The following ADAMTSL3 variants were observed in gnomAD, a reference collection of about 807,000 sequenced individuals.
The protein encoded by ADAMTSL3 is ADAMTS like 3, also known as ADAMTS-like protein 3.
ADAMTSL3 carries 128 observed loss-of-function variants against 201.7 expected under a neutral mutation model. That is an observed-to-expected ratio of 0.63 (90% CI 0.55 to 0.73). The LOEUF (loss-of-function observed/expected upper bound fraction) is 0.73, where lower values mean the gene tolerates loss of function less well. Ranked by LOEUF, ADAMTSL3 falls within the 30% of genes least tolerant of loss-of-function variation. The pLI is 0.00. For synonymous variants in ADAMTSL3, 738 were observed against 748.4 expected, an observed-to-expected ratio of 0.99 and a Z score of 0.23; for missense variants, 1,990 against 2,119.6, an observed-to-expected ratio of 0.94 and a Z score of 1.20.
chr15:83,994,986 G>A (rs1401810246), intron 23 of ADAMTSL3, among the ~76,000 whole-genome samples: 1 of 152,030 alleles, frequency 6.6e-6, no homozygotes, highest in East Asian at 1.9e-4. Context: ...TAGACAGAGG[G>A]CAAAGGAGAA....
intron 3 of ADAMTSL3, among the ~76,000 whole-genome samples, chr15:83,748,294 T>C (rs2062580861): frequency 6.6e-6 from 1 of 152,172 alleles, no homozygotes. Context: ...ATTATCAAGA[T>C]TGTCATCCTT....
intron 17 of ADAMTSL3, among the ~76,000 whole-genome samples, chr15:83,940,888 T>A (rs2066546339): frequency 6.6e-6 from 1 of 152,114 alleles, no homozygotes; most frequent in Non-Finnish European, 1.5e-5. Context: ...CTTGAAAATT[T>A]GTAGGACTTG....
intron 3 of ADAMTSL3, among the ~76,000 whole-genome samples, chr15:83,713,957 G>T (rs1211994298): frequency 2.0e-5 from 3 of 152,086 alleles, no homozygotes; most frequent in African/African-American, 4.8e-5. Context: ...TGTATTTCTT[G>T]GTTCTGGACT....
At chr15:83,801,090 G>A (rs1030828595) in intron 4 of ADAMTSL3, among the ~76,000 whole-genome samples, 1 of 151,808 alleles carries the variant, frequency 6.6e-6, no homozygotes, top group African/African-American at 2.4e-5. Context: ...AAAATTTGAC[G>A]TACTCTTAGC....
chr15:83,822,194 C>T (rs1198134868), intron 6 of ADAMTSL3, among the ~76,000 whole-genome samples: 19 of 149,168 alleles, frequency 1.3e-4, no homozygotes, highest in South Asian at 1.1e-3. Context: ...ACCTCCCTCC[C>T]GGACGGGGTG....
At chr15:83,866,920 T>G (rs1227649894) in intron 8 of ADAMTSL3, among the ~76,000 whole-genome samples, 2 of 152,208 alleles carry the variant, frequency 1.3e-5, no homozygotes, top group African/African-American at 2.4e-5. Context: ...AATCTGTTGC[T>G]TGGACTATTT....
intron 2 of ADAMTSL3, among the ~76,000 whole-genome samples, chr15:83,688,755 TAC>T (rs34509050): frequency 3.4e-4 from 51 of 148,964 alleles, no homozygotes; most frequent in Non-Finnish European, 3.1e-4. Flanking sequence ...TGCATATATA[TAC>T]ACACACACAC....
intron 5 of ADAMTSL3, among the ~76,000 whole-genome samples, chr15:83,809,267 T>A (rs2063654663): frequency 6.6e-6 from 1 of 152,172 alleles, no homozygotes; most frequent in Admixed American, 6.5e-5. Context: ...GTGCAATTTG[T>A]GGAGCCCTAA....
chr15:83,774,700 A>G (rs1384307331), intron 4 of ADAMTSL3, among the ~76,000 whole-genome samples: 3 of 152,158 alleles, frequency 2.0e-5, no homozygotes, highest in Admixed American at 1.3e-4. Flanking sequence ...CTGCTTCCCC[A>G]TATTTCCACC....
intron 3 of ADAMTSL3, among the ~76,000 whole-genome samples, chr15:83,767,004 G>A (rs2141724263): frequency 6.6e-6 from 1 of 152,314 alleles, no homozygotes; most frequent in Non-Finnish European, 1.5e-5. Context: ...TGAGGTGGGA[G>A]AATCGCTTGA....
At chr15:83,791,455 T>C (rs1197544118) in intron 4 of ADAMTSL3, among the ~76,000 whole-genome samples, 2 of 152,162 alleles carry the variant, frequency 1.3e-5, no homozygotes, top group East Asian at 3.9e-4. Context: ...ACTGATTTTT[T>C]ACAAAGGTGT....
intron 17 of ADAMTSL3, among the ~76,000 whole-genome samples, chr15:83,936,122 A>G (rs537494802): frequency 6.6e-4 from 101 of 152,214 alleles, no homozygotes; most frequent in African/African-American, 2.4e-3. Context: ...TTGACTATGG[A>G]AATCAATAAT....
At chr15:84,006,700 C>G (rs529858976) in intron 23 of ADAMTSL3, among the ~76,000 whole-genome samples, 1 of 152,188 alleles carries the variant, frequency 6.6e-6, no homozygotes, top group Non-Finnish European at 1.5e-5. Context: ...TAAACTATTT[C>G]TGACGTTTTA....
intron 7 of ADAMTSL3, among the ~76,000 whole-genome samples, chr15:83,845,703 A>G (rs890873527): frequency 1.3e-5 from 2 of 152,140 alleles, no homozygotes; most frequent in Non-Finnish European, 2.9e-5. Context: ...ATATGAAGCA[A>G]TTTTCCAAAC....
rs565756278 is a variant in ADAMTSL3, at chr15:83,924,823, G to A, written c.2117+790G>A. On this transcript the variant is annotated intron_variant, in intron 17 of 29. Coordinates refer to ENST00000286744, the MANE Select transcript of ADAMTSL3 (RefSeq NM_207517.3). ...CTTATTATCTTGTGACCCCTCTTCT[G>A]CGAGAAGAATTAGTTGCCGAAAATG... Among the ~76,000 whole-genome samples the A allele has an allele frequency of 8.5e-5, 13 of 152,194 alleles. No homozygotes were observed. The South Asian group carries it at 2.7e-3, about 32-fold the overall frequency.
rs751752844 is a variant in ADAMTSL3 at position 83,890,156 on chromosome 15, G to A, written c.1120G>A (p.Val374Ile). Residue 374 changes from valine (V) to isoleucine (I), a missense_variant, in exon 11 of 30, where the codon GTA (valine) becomes ATA (isoleucine). Val to Ile is a conservative substitution (Grantham distance 29, BLOSUM62 3). Transcript: ENST00000286744. ...AECVDIRLKR[V>I]VPDHYCHYYP... The stretch of plus-strand genomic sequence containing the variant: ...ATGTGTGGATATCCGCTTGAAGAGG[G>A]TAGTTCCTGACCATTATTGTCACTA... The A allele has an allele frequency of 1.9e-6, 3 of 1,613,740 alleles. No homozygotes were observed. The highest frequency in any genetic ancestry group is 1.3e-5 in the African/African-American group (1 of 74,900).
At chr15:83,833,986 A>T (rs1596294028) in intron 6 of ADAMTSL3, among the ~76,000 whole-genome samples, 1 of 152,210 alleles carries the variant, frequency 6.6e-6, no homozygotes, top group East Asian at 1.9e-4. Context: ...ACCGTGCTTT[A>T]TCCATTAATG....
intron 20 of ADAMTSL3, among the ~76,000 whole-genome samples, chr15:83,972,658 G>T (rs2067217279): frequency 6.6e-6 from 1 of 152,066 alleles, no homozygotes; most frequent in Admixed American, 6.6e-5. Flanking sequence ...AAGAAAAAAA[G>T]ACAGTAATAT....
intron 27 of ADAMTSL3, among the ~76,000 whole-genome samples, chr15:84,027,402 G>T (rs1373564318): frequency 6.6e-6 from 1 of 152,164 alleles, no homozygotes; most frequent in Non-Finnish European, 1.5e-5. Context: ...AAACATTCAG[G>T]ATCTATATCC....
Sources: allele counts gnomAD v4.1 joint callset (sites outside exome capture counted in the v4.1 genomes callset), GRCh38; gene constraint gnomAD v4.1.1; transcripts MANE v1.5; gene names NCBI Gene and HGNC (gene_info 2026-07-23, HGNC 2026-07-21).